Variants in PSMA6 observed in about 807,000 individuals in gnomAD.
PSMA6 encodes the protein proteasome 20S subunit alpha 6.
For missense variants in PSMA6, 170 were observed against 294.8 expected (o/e 0.58, Z 3.10); for synonymous variants, 88 against 97.7 (o/e 0.90, Z 0.59).
upstream of PSMA6, among the ~76,000 whole-genome samples, chr14:35,288,512 A>C (rs543703978): frequency 2.0e-5 from 3 of 152,236 alleles, no homozygotes; most frequent in East Asian, 3.9e-4. Context: ...AATAAGCCAA[A>C]AACAACAACA....
rs547255502 is a variant in PSMA6, at chr14:35,279,900, G to A, written c.19+1182G>A. 1.9e-4 allele frequency among the ~76,000 whole-genome samples: 29 copies of A among 152,100 alleles called. No individual in the cohort carries two copies. In the South Asian group the frequency reaches 5.4e-3, roughly 28 times the overall value. ...AGCACTTTGGGAGGCCGAGGCGGGC[G>A]GATCACGAGGTCAGGAGATCGAGAC... On this transcript the variant is annotated intron_variant, in intron 1 of 6. Transcript: ENST00000540871.
intron 5 of PSMA6, chr14:35,313,591 T>C (rs1412574851): frequency 6.6e-6 from 1 of 152,288 alleles, no homozygotes; most frequent in East Asian, 1.9e-4. Context: ...TAGTTCATGT[T>C]CAGGAAGTAC....
At chr14:35,300,394 G>A (rs1192816835) in intron 1 of PSMA6, among the ~76,000 whole-genome samples, 1 of 152,084 alleles carries the variant, frequency 6.6e-6, no homozygotes, top group Admixed American at 6.6e-5. Context: ...GATTGCTTGA[G>A]CCGAAAGTTT....
At chr14:35,306,038 C>A (rs2051820005) in intron 1 of PSMA6, among the ~76,000 whole-genome samples, 1 of 152,036 alleles carries the variant, frequency 6.6e-6, no homozygotes, top group African/African-American at 2.4e-5. Flanking sequence ...CCAGCCTGGG[C>A]AACATGGGAA....
At chr14:35,279,019 C>A (rs975467760) in intron 1 of PSMA6, among the ~76,000 whole-genome samples, 3 of 151,958 alleles carry the variant, frequency 2.0e-5, no homozygotes, top group Non-Finnish European at 4.4e-5. Flanking sequence ...TTTCCCTGTT[C>A]TTACAGTCAC....
At chr14:35,285,466 T>G (rs1566548167) in intron 1 of PSMA6, among the ~76,000 whole-genome samples, 1 of 152,314 alleles carries the variant, frequency 6.6e-6, no homozygotes, top group African/African-American at 2.4e-5. Context: ...AGAAACCTCA[T>G]TCATTTGCAT....
At chr14:35,298,211 C>T (rs907860158) in intron 1 of PSMA6, among the ~76,000 whole-genome samples, 9 of 151,918 alleles carry the variant, frequency 5.9e-5, no homozygotes, top group African/African-American at 1.7e-4. Context: ...AAAATGGGGC[C>T]GGACACAGTG....
chr14:35,307,533 A>G (rs1199550489), intron 1 of PSMA6, among the ~76,000 whole-genome samples: 1 of 152,150 alleles, frequency 6.6e-6, no homozygotes, highest in East Asian at 1.9e-4. Flanking sequence ...CAGGAGTTCA[A>G]GACTAGCCTG....
intron 1 of PSMA6, among the ~76,000 whole-genome samples, chr14:35,301,047 C>A (rs2051701630): frequency 6.6e-6 from 1 of 152,082 alleles, no homozygotes. Flanking sequence ...ATAGCTAAAT[C>A]TCTGGTTTAG....
chr14:35,301,623 C>T (rs1459213797), intron 1 of PSMA6, among the ~76,000 whole-genome samples: 1 of 152,080 alleles, frequency 6.6e-6, no homozygotes, highest in African/African-American at 2.4e-5. Flanking sequence ...TAGAACATTG[C>T]CAGCATCACA....
Position 35,317,267 on chromosome 14 carries a change from G to T in PSMA6, c.702G>T (p.Glu234Asp), listed in dbSNP as rs1475657546. Residue 234 changes from glutamate to aspartate, a missense_variant, in exon 7 of 7, where the codon GAG becomes GAT. Coordinates refer to ENST00000261479, the MANE Select transcript of PSMA6 (RefSeq NM_002791.3). ...CTTCTAGGATTCTTACAGAAGCAGAGATTGATGCTCACCTTGTTGCTCTAG... is the reference window on the plus strand; with the variant it reads ...CTTCTAGGATTCTTACAGAAGCAGATATTGATGCTCACCTTGTTGCTCTAG... ...NPKFRILTEA[E>D]IDAHLVALAE... 1 of 1,612,968 alleles carries T rather than the reference G, an allele frequency of 6.2e-7. No homozygotes were observed. The highest frequency in any genetic ancestry group is 2.2e-5 in the East Asian group (1 of 44,854).
At chr14:35,312,376 G>A (rs1385295339) in intron 4 of PSMA6, among the ~76,000 whole-genome samples, 2 of 151,786 alleles carry the variant, frequency 1.3e-5, no homozygotes, top group African/African-American at 4.8e-5. Flanking sequence ...GCGTGGTGGT[G>A]GGCACCTGTA....
chr14:35,291,593 G>A (rs1450795371), upstream of PSMA6, among the ~76,000 whole-genome samples: 1 of 152,022 alleles, frequency 6.6e-6, no homozygotes, highest in Admixed American at 6.5e-5. Context: ...GGAGGCCGAG[G>A]AAGGTGGATC....
chr14:35,308,632 C>T (rs1436932906), intron 2 of PSMA6: 2 of 352,290 alleles, frequency 5.7e-6, no homozygotes, highest in Non-Finnish European at 1.0e-5. Context: ...AACGGTGTTT[C>T]TAAGTCTTTT....
intron 1 of PSMA6, among the ~76,000 whole-genome samples, chr14:35,284,526 C>T (rs1009529954): frequency 5.9e-5 from 9 of 152,180 alleles, no homozygotes; most frequent in Non-Finnish European, 1.2e-4. Flanking sequence ...GGGACGCTGT[C>T]GGGTTCATCT....
chr14:35,291,261 A>G (rs1475396946), upstream of PSMA6, among the ~76,000 whole-genome samples: 14 of 146,174 alleles, frequency 9.6e-5, no homozygotes, highest in Non-Finnish European at 1.9e-4. Flanking sequence ...TCTGTCGCCC[A>G]GGCTGGAGTG....
chr14:35,313,250 G>A (rs113132104), intron 5 of PSMA6, 191 bp downstream of exon 5: 24 of 522,448 alleles, frequency 4.6e-5, no homozygotes, highest in African/African-American at 2.4e-4. Context: ...TCCTTATTTC[G>A]TAATGTATTT....
rs74962578 is a variant in PSMA6 at position 35,308,105 on chromosome 14, A to G, written c.171+17A>G. On this transcript the variant is annotated intron_variant, in intron 2 of 6. Coordinates refer to ENST00000261479, the MANE Select transcript of PSMA6 (RefSeq NM_002791.3). ...AAAGTACCTGTAAGTAATACTGCCC[A>G]AATAGTTAATAATTGCAGAATATAA... 1.2e-6 allele frequency: 2 copies of G among 1,612,452 alleles called. No homozygotes were observed. The highest frequency in any genetic ancestry group is 2.7e-5 in the African/African-American group (2 of 74,886).
chr14:35,315,776 GTTTTC>G (rs1399835291), intron 6 of PSMA6: 2 of 151,086 alleles, frequency 1.3e-5, no homozygotes, highest in Non-Finnish European at 2.9e-5. Flanking sequence ...ATTAGTTCTT[GTTTTC>G]TTTTCTGTTT....
Sources: gnomAD v4.1 joint callset for allele counts (sites outside exome capture counted in the v4.1 genomes callset) on GRCh38, gnomAD v4.1.1 for gene constraint, MANE v1.5 for transcripts, NCBI Gene and HGNC (gene_info 2026-07-23, HGNC 2026-07-21) for gene names.